KCNIP4: variants seen among roughly 807,000 people sequenced by gnomAD.
The protein encoded by KCNIP4 is potassium voltage-gated channel interacting protein 4.
KCNIP4 carries 12 observed loss-of-function variants against 34.0 expected under a neutral mutation model. The observed-to-expected ratio is 0.35, with a 90% CI of 0.23 to 0.57. The LOEUF (loss-of-function observed/expected upper bound fraction) is 0.57. KCNIP4 is among the 20% of genes least tolerant of loss of function. The probability of loss-of-function intolerance (pLI) is 0.83; values close to 1 mark genes in which losing one functional copy is unlikely to be tolerated. For synonymous variants in KCNIP4, 124 were observed against 102.2 expected, an observed-to-expected ratio of 1.21 and a Z score of -1.29; for missense variants, 238 against 311.7, an observed-to-expected ratio of 0.76 and a Z score of 1.78.
At chr4:21,802,818 C>T (rs761714107) in intron 1 of KCNIP4, among the ~76,000 whole-genome samples, 3 of 152,150 alleles carry the variant, frequency 2.0e-5, no homozygotes, top group Non-Finnish European at 4.4e-5. Flanking sequence ...ATTTCCTAAA[C>T]CACATTCTCT....
chr4:20,888,353 G>C (rs781299251), intron 1 of KCNIP4, among the ~76,000 whole-genome samples: 1 of 152,110 alleles, frequency 6.6e-6, no homozygotes, highest in Non-Finnish European at 1.5e-5. Flanking sequence ...CATGAAATCA[G>C]ACTATATATC....
chr4:21,275,976 A>C (rs142405150), intron 1 of KCNIP4, among the ~76,000 whole-genome samples: 151 of 152,288 alleles, frequency 9.9e-4, no homozygotes, highest in African/African-American at 3.5e-3. Context: ...GCAAAAAAAA[A>C]CTCATGATGC....
At chr4:21,121,293 T>C (rs11932046) in intron 1 of KCNIP4, among the ~76,000 whole-genome samples, 62,175 of 152,040 alleles carry the variant, frequency 0.41, 13,154 homozygotes, top group African/African-American at 0.52. Flanking sequence ...ATAGGAGCTT[T>C]TACACTTAGA....
At chr4:21,536,577 G>A (rs6832570) in intron 1 of KCNIP4, among the ~76,000 whole-genome samples, 11,823 of 152,084 alleles carry the variant, frequency 0.078, 519 homozygotes, top group Non-Finnish European at 0.088. Flanking sequence ...CCAGGACTTC[G>A]AGAACAGTCT....
At chr4:20,980,211 T>C (rs1361269005) in intron 1 of KCNIP4, among the ~76,000 whole-genome samples, 1 of 152,214 alleles carries the variant, frequency 6.6e-6, no homozygotes, top group Admixed American at 6.5e-5. Context: ...GTAAGCTTGT[T>C]GAGGGCACTT....
intron 1 of KCNIP4, among the ~76,000 whole-genome samples, chr4:21,349,054 G>A (rs1188142575): frequency 6.6e-6 from 1 of 152,184 alleles, no homozygotes; most frequent in African/African-American, 2.4e-5. Flanking sequence ...TATGGTTCAA[G>A]AACCTGGAAT....
Position 21,271,879 on chromosome 4 carries a change from C to T in KCNIP4, c.62-389170G>A, listed in dbSNP as rs568727196. On this transcript the variant is annotated intron_variant, in intron 1 of 8. Coordinates refer to ENST00000382152, the MANE Select transcript of KCNIP4 (RefSeq NM_025221.6). ...CAAATCATTACCAATCAAGAAAGCTCTTAGGATAGGGCAAGGCAGAGAGGT... is the reference window on the plus strand; with the variant it reads ...CAAATCATTACCAATCAAGAAAGCTTTTAGGATAGGGCAAGGCAGAGAGGT... Among the ~76,000 whole-genome samples, 25 of 152,238 alleles carry T rather than the reference C, an allele frequency of 1.6e-4. No individual in the cohort carries two copies. The South Asian group carries it at 3.5e-3, about 21-fold the overall frequency.
At chr4:20,864,405 A>G (rs1420508514) in intron 2 of KCNIP4, among the ~76,000 whole-genome samples, 1 of 151,054 alleles carries the variant, frequency 6.6e-6, no homozygotes, top group African/African-American at 2.4e-5. Context: ...TATATATATA[A>G]CATATATATA....
chr4:21,769,775 GGC>G lies in KCNIP4; in HGVS notation c.61+178794_61+178795del, dbSNP rs898531569. On this transcript the variant is annotated intron_variant, in intron 1 of 8. Coordinates refer to ENST00000382152, the MANE Select transcript of KCNIP4 (RefSeq NM_025221.6). ...GAATCCCTTATTATGTCTATTAATG[GGC>G]TAGCCATCTCTCCTCCATAGCATTC... Among the ~76,000 whole-genome samples, 245 of 151,976 alleles carry G rather than the reference GGC, an allele frequency of 1.6e-3. 1 individual carries two copies. Among genetic ancestry groups the G allele is most frequent in the African/African-American group, 5.6e-3 (231 of 41,432 alleles).
chr4:20,990,420 AAGTACCAC>A (rs1736987657), intron 1 of KCNIP4, among the ~76,000 whole-genome samples: 1 of 152,188 alleles, frequency 6.6e-6, no homozygotes, highest in Admixed American at 6.5e-5. Context: ...TTAAACTATT[AAGTACCAC>A]AGCCTTCTGT....
chr4:21,223,328 A>G (rs1390342999), intron 1 of KCNIP4, among the ~76,000 whole-genome samples: 2 of 152,220 alleles, frequency 1.3e-5, no homozygotes, highest in Non-Finnish European at 2.9e-5. Flanking sequence ...AAGGACAAAG[A>G]TTCTACCCTG....
intron 1 of KCNIP4, among the ~76,000 whole-genome samples, chr4:21,184,707 G>C (rs17448106): frequency 0.12 from 18,952 of 152,116 alleles, 1,364 homozygotes; most frequent in East Asian, 0.2. Flanking sequence ...ATCAGGAAGA[G>C]AGAGAACAAA....
chr4:20,740,702 A>G (rs1034198392), intron 5 of KCNIP4, among the ~76,000 whole-genome samples: 1 of 152,208 alleles, frequency 6.6e-6, no homozygotes, highest in Non-Finnish European at 1.5e-5. Context: ...TCATAATGAC[A>G]GGATCAAATT....
chr4:21,124,704 A>G (rs528864556), intron 1 of KCNIP4, among the ~76,000 whole-genome samples: 1 of 152,320 alleles, frequency 6.6e-6, no homozygotes, highest in African/African-American at 2.4e-5. Flanking sequence ...ACAGACTCCT[A>G]GCAAAAAAGT....
rs548441763 is a variant in KCNIP4, at chr4:21,694,368, T to C, written c.61+254203A>G. On this transcript the variant is annotated intron_variant, in intron 1 of 8. Transcript: ENST00000382152. ...TAGGAAAATTGATCCTACAGTGAACTGAGGCCATTAACTTGTAATATTTGC... is the reference window on the plus strand; with the variant it reads ...TAGGAAAATTGATCCTACAGTGAACCGAGGCCATTAACTTGTAATATTTGC... Among the ~76,000 whole-genome samples the C allele has an allele frequency of 1.1e-4, 17 of 152,292 alleles. No individual in the cohort carries two copies. In the East Asian group the frequency reaches 3.3e-3, roughly 29 times the overall value.
At chr4:21,828,887 A>G (rs1349727245) in intron 1 of KCNIP4, among the ~76,000 whole-genome samples, 3 of 152,016 alleles carry the variant, frequency 2.0e-5, no homozygotes, top group African/African-American at 4.8e-5. Flanking sequence ...ATGTTGCCCA[A>G]TGAGAGCTTT....
In KCNIP4 at chr4:20,909,744, T is replaced by C. The variant is rs188350740; in HGVS notation, c.62-27035A>G. ...ATTCAGGACTGGTGAGGTGATACAA[T>C]GAGACACTTACCAATGTCTATTTCA... is the stretch of plus-strand genomic sequence containing the variant. On this transcript the variant is annotated intron_variant, in intron 1 of 8. Transcript: ENST00000382152. Among the ~76,000 whole-genome samples, 532 of 152,338 alleles carry C rather than the reference T, an allele frequency of 3.5e-3. 2 individuals carry two copies. The highest frequency in any genetic ancestry group is 6.8e-3 in the Middle Eastern group (2 of 294).
At chr4:21,255,362 A>G (rs144181334) in intron 1 of KCNIP4, among the ~76,000 whole-genome samples, 1 of 152,034 alleles carries the variant, frequency 6.6e-6, no homozygotes, top group East Asian at 1.9e-4. Context: ...TCTTATACCT[A>G]TCCTTTGTAT....
At chr4:21,006,062 C>T (rs947845229) in intron 1 of KCNIP4, among the ~76,000 whole-genome samples, 1 of 152,130 alleles carries the variant, frequency 6.6e-6, no homozygotes, top group Non-Finnish European at 1.5e-5. Context: ...GACTACGCAT[C>T]TCAACAAGGT....
Sources: allele counts gnomAD v4.1 joint callset (sites outside exome capture counted in the v4.1 genomes callset), GRCh38; gene constraint gnomAD v4.1.1; transcripts MANE v1.5; gene names NCBI Gene and HGNC (gene_info 2026-07-23, HGNC 2026-07-21).